CNTN4: variants seen among roughly 807,000 people sequenced by gnomAD.
CNTN4 encodes contactin-4.
Under a neutral mutation model 122.5 loss-of-function variants are expected in CNTN4, and 77 were observed. The ratio of observed to expected loss-of-function variants is 0.63; its 90% CI spans 0.52 to 0.76. The LOEUF (loss-of-function observed/expected upper bound fraction) is 0.76, where lower values mean the gene tolerates loss of function less well. CNTN4 is among the 30% of genes least tolerant of loss of function. The probability of loss-of-function intolerance (pLI) is 0.00; values close to 1 mark genes in which losing one functional copy is unlikely to be tolerated. For missense variants in CNTN4, 1,256 were observed against 1,259.1 expected (o/e 1.00, Z 0.04); for synonymous variants, 512 against 447.0 (o/e 1.15, Z -1.83).
rs565195625 is a variant in CNTN4, at chr3:2,161,006, A to T, written c.-145+60367A>T. ...CTGTTGTTTACTTATGGTTGTGTTCAGTGGTTAAAGTTGAGTACCAAGTGC... is the reference window on the plus strand; with the variant it reads ...CTGTTGTTTACTTATGGTTGTGTTCTGTGGTTAAAGTTGAGTACCAAGTGC... On this transcript the variant is annotated intron_variant, in intron 2 of 24. Transcript: ENST00000418658. Among the ~76,000 whole-genome samples the T allele has an allele frequency of 5.3e-5, 8 of 152,238 alleles. No homozygotes were observed. In the South Asian group the frequency reaches 1.7e-3, roughly 32 times the overall value.
At chr3:2,473,231 CAAAA>C (rs769320613) in intron 3 of CNTN4, among the ~76,000 whole-genome samples, 1 of 51,408 alleles carries the variant, frequency 1.9e-5, no homozygotes, top group Non-Finnish European at 3.2e-5. Context: ...AACTCCATCT[CAAAA>C]AAAAAAAAAA....
At chr3:3,045,009 G>T (rs1700501639) in intron 23 of CNTN4, among the ~76,000 whole-genome samples, 1 of 152,218 alleles carries the variant, frequency 6.6e-6, no homozygotes, top group African/African-American at 2.4e-5. Flanking sequence ...CGGCTCAGAG[G>T]GTCCCATGCC....
intron 6 of CNTN4, among the ~76,000 whole-genome samples, chr3:2,750,317 T>C (rs1396076803): frequency 6.6e-6 from 1 of 152,236 alleles, no homozygotes; most frequent in African/African-American, 2.4e-5. Flanking sequence ...CAGAAGATAG[T>C]CTTATAAGGT....
At chr3:2,218,369 G>T (rs1280764539) in intron 2 of CNTN4, among the ~76,000 whole-genome samples, 1 of 151,990 alleles carries the variant, frequency 6.6e-6, no homozygotes, top group Non-Finnish European at 1.5e-5. Context: ...TAAAGCATAA[G>T]TCTAGCTAGG....
intron 17 of CNTN4, among the ~76,000 whole-genome samples, chr3:3,036,044 G>T (rs1398121311): frequency 6.6e-6 from 1 of 151,854 alleles, no homozygotes; most frequent in Non-Finnish European, 1.5e-5. Flanking sequence ...GCATGTAAAA[G>T]AATTCTTATA....
At chr3:3,005,077 T>C (rs1198525317) in intron 14 of CNTN4, among the ~76,000 whole-genome samples, 1 of 152,222 alleles carries the variant, frequency 6.6e-6, no homozygotes, top group African/African-American at 2.4e-5. Flanking sequence ...TTCTATAAAA[T>C]CGAAAAATTC....
chr3:2,534,098 T>A (rs1323088158), intron 3 of CNTN4, among the ~76,000 whole-genome samples: 2 of 152,198 alleles, frequency 1.3e-5, no homozygotes, highest in East Asian at 1.9e-4. Context: ...GTGCAGAAGC[T>A]CTTTAGTTTA....
At chr3:2,757,809 G>A (rs2090405509) in intron 6 of CNTN4, among the ~76,000 whole-genome samples, 2 of 152,110 alleles carry the variant, frequency 1.3e-5, no homozygotes, top group South Asian at 4.1e-4. Flanking sequence ...TGTTTCCCAA[G>A]AACTAAATTA....
intron 2 of CNTN4, among the ~76,000 whole-genome samples, chr3:2,294,057 G>C (rs2042221285): frequency 6.6e-6 from 1 of 152,174 alleles, no homozygotes. Context: ...TTATCAGCCA[G>C]CCAGCTTTCC....
At chr3:2,118,640 C>T (rs557487332) in intron 2 of CNTN4, among the ~76,000 whole-genome samples, 1 of 152,132 alleles carries the variant, frequency 6.6e-6, no homozygotes, top group South Asian at 2.1e-4. Context: ...TTTTTCCTAC[C>T]GATAGGCTTC....
chr3:2,765,940 A>G (rs1371493398), intron 6 of CNTN4, among the ~76,000 whole-genome samples: 1 of 152,218 alleles, frequency 6.6e-6, no homozygotes, highest in South Asian at 2.1e-4. Flanking sequence ...TTGAAAATGT[A>G]TCATGAACTT....
At chr3:2,444,311 C>A (rs938239258) in intron 3 of CNTN4, among the ~76,000 whole-genome samples, 1 of 151,764 alleles carries the variant, frequency 6.6e-6, no homozygotes, top group African/African-American at 2.4e-5. Context: ...TAGAGAATCA[C>A]CTAGGAGAAG....
intron 12 of CNTN4, among the ~76,000 whole-genome samples, chr3:2,923,628 A>G (rs554407506): frequency 1.3e-5 from 2 of 152,294 alleles, no homozygotes; most frequent in Non-Finnish European, 2.9e-5. Context: ...GTAATTCTCA[A>G]TCTTTCTGCA....
At chr3:2,898,330 A>G (rs1285832817) in intron 10 of CNTN4, among the ~76,000 whole-genome samples, 1 of 152,160 alleles carries the variant, frequency 6.6e-6, no homozygotes, top group African/African-American at 2.4e-5. Flanking sequence ...TTTAAAAATA[A>G]AGAAAGTGCC....
At chr3:2,444,208 TAAAA>T (rs36104812) in intron 3 of CNTN4, among the ~76,000 whole-genome samples, 596 of 136,338 alleles carry the variant, frequency 4.4e-3, no homozygotes, top group African/African-American at 0.012. Flanking sequence ...TGTATTCTAG[TAAAA>T]AAAAAAAAAA....
intron 2 of CNTN4, among the ~76,000 whole-genome samples, chr3:2,144,518 A>G (rs1055312775): frequency 1.3e-5 from 2 of 152,168 alleles, no homozygotes; most frequent in African/African-American, 2.4e-5. Context: ...ACACAGATCA[A>G]GGGGTTCAGG....
intron 4 of CNTN4, among the ~76,000 whole-genome samples, chr3:2,621,523 G>A (rs1425158588): frequency 6.6e-6 from 1 of 152,050 alleles, no homozygotes; most frequent in Non-Finnish European, 1.5e-5. Flanking sequence ...TGGAGGGATA[G>A]CATTAGGAGA....
chr3:2,797,001 ATTG>A (rs1396245869), intron 6 of CNTN4, among the ~76,000 whole-genome samples: 2 of 151,800 alleles, frequency 1.3e-5, no homozygotes, highest in Non-Finnish European at 2.9e-5. Flanking sequence ...ATGTTTTGTT[ATTG>A]TTGTTGTTTT....
At chr3:2,467,566 G>T (rs1400834003) in intron 3 of CNTN4, among the ~76,000 whole-genome samples, 2 of 152,102 alleles carry the variant, frequency 1.3e-5, no homozygotes, top group African/African-American at 2.4e-5. Flanking sequence ...CTGAGCCACT[G>T]TTCCCTCAAA....
Sources: gnomAD v4.1 joint callset for allele counts (sites outside exome capture counted in the v4.1 genomes callset) on GRCh38, gnomAD v4.1.1 for gene constraint, MANE v1.5 for transcripts, NCBI Gene and HGNC (gene_info 2026-07-23, HGNC 2026-07-21) for gene names.